The following PLXNB2 variants were observed in gnomAD, a reference collection of about 807,000 sequenced individuals.
PLXNB2 encodes the protein plexin-B2.
A neutral mutation model predicts 202.6 loss-of-function variants in PLXNB2; 85 were observed. That is an observed-to-expected ratio of 0.42 (90% CI 0.35 to 0.50). The LOEUF (loss-of-function observed/expected upper bound fraction) is 0.50, where lower values mean the gene tolerates loss of function less well. PLXNB2 is among the 20% of genes least tolerant of loss of function. The pLI is 0.02. For missense variants in PLXNB2, 2,063 were observed against 2,586.2 expected, an observed-to-expected ratio of 0.80 and a Z score of 4.39; for synonymous variants, 1,239 against 1,137.6, an observed-to-expected ratio of 1.09 and a Z score of -1.79.
chr22:50,279,155 C>T lies in PLXNB2; in HGVS notation c.4390-144G>A, dbSNP rs551573604. 60 of 791,214 alleles carry T rather than the reference C, an allele frequency of 7.6e-5. 1 individual carries two copies. Among genetic ancestry groups the T allele is most frequent in the African/African-American group, 5.8e-4 (33 of 57,242 alleles). The allele number at this position is 791,214 out of a possible 1,614,324, so 49.0% of individuals were successfully genotyped here. ...CCCCGCCAGCCCGGCTCCGAGCCCC[C>T]GAGGCTTCCCAGATGACCACACTCT... On this transcript the variant is annotated intron_variant, in intron 27 of 36. Coordinates refer to ENST00000359337, the MANE Select transcript of PLXNB2 (RefSeq NM_012401.4).
At position 50,289,231 on chromosome 22, in the gene PLXNB2, C is replaced by T; in HGVS notation, c.1069-89G>A. 1.6e-6 allele frequency: 2 copies of T among 1,220,258 alleles called. No homozygotes were observed. Among genetic ancestry groups the T allele is most frequent in the South Asian group, 1.5e-5 (1 of 64,538 alleles). 75.6% of individuals were successfully genotyped at this position (1,220,258 alleles called of 1,614,324 possible). A position where few individuals can be genotyped will look rare whatever the true frequency, so the allele number is the denominator to read the frequency against. On this transcript the variant is annotated intron_variant, in intron 3 of 36. Transcript: ENST00000359337. This position sits in a 1 kb window ranked among gnomAD's most constrained non-coding sequence, Gnocchi z 8.0. ...GCTCCAAGACTCGGGACAGGCCCTTCCCTTCCCTCCGGCACACGTCCTACA... is the reference window on the plus strand; with the variant it reads ...GCTCCAAGACTCGGGACAGGCCCTTTCCTTCCCTCCGGCACACGTCCTACA...
At chr22:50,306,376 G>A (rs1010495472) in intron 1 of PLXNB2, among the ~76,000 whole-genome samples, 4 of 152,198 alleles carry the variant, frequency 2.6e-5, no homozygotes, top group African/African-American at 9.7e-5. Context: ...TATGCCTGCT[G>A]GCCCTGCCCT....
chr22:50,290,639 GA>G (rs2066801372), intron 2 of PLXNB2, 42 bp from the exon 3 acceptor site: 2 of 1,491,584 alleles, frequency 1.3e-6, no homozygotes, highest in Non-Finnish European at 1.8e-6. Context: ...CGACCCAGAG[GA>G]CCCCCGATCA....
rs776615790 is a variant in PLXNB2 at position 50,286,205 on chromosome 22, G to A, written c.1845C>T (p.Cys615=). 2.5e-6 allele frequency: 4 copies of A among 1,613,120 alleles called. No homozygotes were observed. Among genetic ancestry groups the A allele is most frequent in the Non-Finnish European group, 3.4e-6 (4 of 1,179,834 alleles). ...LTSYQYPFYD[C]RQAMSLEENL... is the part of the protein sequence containing the mutation. The stretch of plus-strand genomic sequence containing the variant: ...TCTCCTCCAGGCTCATGGCCTGGCG[G>A]CAGTCGTAGAAGGGGTACTGGTAGG... The change falls in exon 9 of 37, where the codon TGC becomes TGT. Residue 615 remains cysteine, a synonymous_variant. Transcript: ENST00000359337.
chr22:50,284,468 TG>T lies in PLXNB2; in HGVS notation c.2181+104del. The T allele has an allele frequency of 2.2e-6, 2 of 904,162 alleles. No homozygotes were observed. The highest frequency in any genetic ancestry group is 3.5e-6 in the Non-Finnish European group (2 of 575,122). 56.0% of individuals were successfully genotyped at this position (904,162 alleles called of 1,614,324 possible). ...GAGCCCCTGGCTGGGCTCTGGTCCC[TG>T]GGGTCTCCCTGCTGCCCCTCCCCTC... On this transcript the variant is annotated intron_variant, in intron 12 of 36. Coordinates refer to ENST00000359337, the MANE Select transcript of PLXNB2 (RefSeq NM_012401.4). The surrounding 1 kb of genome is among the most constrained non-coding windows in gnomAD (Gnocchi z 8.0).
At position 50,290,462 on chromosome 22, in the gene PLXNB2, C is replaced by T; in HGVS notation, c.123G>A (p.Glu41=). 1.9e-6 allele frequency: 3 copies of T among 1,612,928 alleles called. No individual in the cohort carries two copies. The highest frequency in any genetic ancestry group is 2.5e-6 in the Non-Finnish European group (3 of 1,180,002). ...EKELNHLAVD[E]ASGVVYLGAV... ...CCCCCAGGTACACCACGCCTGAGGC[C>T]TCATCCACAGCCAGGTGGTTCAGCT... Residue 41 remains glutamate, a synonymous_variant, in exon 3 of 37, where the codon GAG becomes GAA. Transcript: ENST00000359337.
chr22:50,305,945 C>T (rs1003165122), intron 1 of PLXNB2, among the ~76,000 whole-genome samples: 1 of 152,200 alleles, frequency 6.6e-6, no homozygotes, highest in African/African-American at 2.4e-5. Context: ...AAAGGTGACG[C>T]ATCTTCTCCC....
At position 50,290,379 on chromosome 22, in the gene PLXNB2, G is replaced by A. The variant is rs745740476; in HGVS notation, c.206C>T (p.Thr69Met). The A allele has an allele frequency of 2.4e-5, 38 of 1,612,768 alleles. No individual in the cohort carries two copies. Among genetic ancestry groups the A allele is most frequent in the Non-Finnish European group, 3.0e-5 (35 of 1,179,978 alleles). ...CTTCTTGTTGTCCAGGGCCGGGCCC[G>A]TGGCCACCTGCTGCTCCAGCTGCAG... Reference protein sequence around the residue: ...AKLQLEQQVATGPALDNKKCT... With the variant: ...AKLQLEQQVAMGPALDNKKCT... The change falls in exon 3 of 37, where the codon ACG (threonine) becomes ATG (methionine). Residue 69 changes from threonine to methionine, a missense_variant. Thr to Met is a moderately conservative substitution (Grantham distance 81). Around this residue, in one of 2 missense-constraint regions of PLXNB2, gnomAD observed 1,303 missense variants for 1,476.8 expected, o/e 0.88. Transcript: ENST00000359337.
chr22:50,279,153 C>G, intron 27 of PLXNB2, 142 bp from the exon 28 acceptor site: 3 of 789,342 alleles, frequency 3.8e-6, no homozygotes, highest in Non-Finnish European at 5.9e-6. Flanking sequence ...GCTCCGAGCC[C>G]CCGAGGCTTC....
intron 1 of PLXNB2, among the ~76,000 whole-genome samples, chr22:50,299,716 C>A (rs2147690278): frequency 6.6e-6 from 1 of 152,220 alleles, no homozygotes. Context: ...GGAGACCCGG[C>A]GAGGGCGAGA....
At chr22:50,294,834 C>T in intron 1 of PLXNB2, 56 bp from the exon 2 acceptor site, 1 of 874,348 alleles carries the variant, frequency 1.1e-6, no homozygotes, top group Non-Finnish European at 1.4e-6. Context: ...GCTGTGGAGC[C>T]CCCCACCTCT....
intron 7 of PLXNB2, 52 bp downstream of exon 7, chr22:50,287,615 C>A: frequency 6.7e-7 from 1 of 1,491,066 alleles, no homozygotes. Flanking sequence ...GGGGGAGCCC[C>A]CACCTGGCCC....
chr22:50,280,750 GAGGAA>G lies in PLXNB2; in HGVS notation c.3982_3986del (p.Phe1328HisfsTer65). The G allele has an allele frequency of 7.6e-7, 1 of 1,318,162 alleles. No individual in the cohort carries two copies. Among genetic ancestry groups the G allele is most frequent in the Non-Finnish European group, 1.1e-6 (1 of 943,106 alleles). The allele number at this position is 1,318,162 out of a possible 1,614,324, so 81.7% of individuals were successfully genotyped here. On this transcript the variant is annotated frameshift_variant, in exon 24 of 37. Coordinates refer to ENST00000359337, the MANE Select transcript of PLXNB2 (RefSeq NM_012401.4). LOFTEE classifies it high-confidence loss of function. The stretch of plus-strand genomic sequence containing the variant: ...CGCCCGACGCCTGGCTCACATTGAT[GAGGAA>G]AGACTTGCTGTTCAGCAGGTTGGAG...
rs757881511 is a variant in PLXNB2, at chr22:50,278,839, A to C, written c.4546+16T>G. 2 of 1,605,632 alleles carry C rather than the reference A, an allele frequency of 1.2e-6. No homozygotes were observed. Among genetic ancestry groups the C allele is most frequent in the Non-Finnish European group, 1.7e-6 (2 of 1,174,704 alleles). On this transcript the variant is annotated intron_variant, in intron 28 of 36. Coordinates refer to ENST00000359337, the MANE Select transcript of PLXNB2 (RefSeq NM_012401.4). The stretch of plus-strand genomic sequence containing the variant: ...CATGGGCGCCTGTGTGCAGACGGGC[A>C]GGGGCCGGCACTCACCCAGGACCAC...
Position 50,288,626 on chromosome 22 carries a change from G to A in PLXNB2, c.1380+117C>T. The A allele has an allele frequency of 7.1e-7, 1 of 1,414,494 alleles. No individual in the cohort carries two copies. The highest frequency in any genetic ancestry group is 9.5e-7 in the Non-Finnish European group (1 of 1,053,060). 87.6% of individuals were successfully genotyped at this position (1,414,494 alleles called of 1,614,324 possible). On this transcript the variant is annotated intron_variant, in intron 5 of 36. Coordinates refer to ENST00000359337, the MANE Select transcript of PLXNB2 (RefSeq NM_012401.4). This position sits in a 1 kb window ranked among gnomAD's most constrained non-coding sequence, Gnocchi z 5.0. ...ACCCCTCATCCAGACCAAGGAGAAG[G>A]GCCCAGCTCTGCAGCACCCCATCCT...
chr22:50,280,141 G>A, intron 25 of PLXNB2, 70 bp from the exon 26 acceptor site: 1 of 1,305,574 alleles, frequency 7.7e-7, no homozygotes, highest in Non-Finnish European at 1.1e-6. Flanking sequence ...ACTCCTCCAA[G>A]CACCCGGCCA....
chr22:50,305,371 C>A (rs560283440), intron 1 of PLXNB2, among the ~76,000 whole-genome samples: 1 of 152,348 alleles, frequency 6.6e-6, no homozygotes, highest in East Asian at 1.9e-4. Flanking sequence ...GATGTGGTCC[C>A]CATGCAGGCC....
intron 2 of PLXNB2, among the ~76,000 whole-genome samples, chr22:50,292,005 T>A (rs886333654): frequency 2.0e-5 from 3 of 152,170 alleles, no homozygotes; most frequent in African/African-American, 7.2e-5. Flanking sequence ...CCTGCATATG[T>A]CTCATCCCCT....
At chr22:50,303,167 C>G (rs1449506152) in intron 1 of PLXNB2, among the ~76,000 whole-genome samples, 2 of 152,084 alleles carry the variant, frequency 1.3e-5, no homozygotes, top group Admixed American at 1.3e-4. Flanking sequence ...AGCCCCAGAA[C>G]TCACCTAGGT....
Sources: allele counts gnomAD v4.1 joint callset (sites outside exome capture counted in the v4.1 genomes callset), GRCh38; gene constraint gnomAD v4.1.1; regional missense constraint gnomAD v4.1.1; non-coding constraint Gnocchi (gnomAD v3.1); transcripts MANE v1.5; gene names NCBI Gene and HGNC (gene_info 2026-07-23, HGNC 2026-07-21).